Variants in BCL2L14 observed in about 807,000 individuals in gnomAD.
The protein encoded by BCL2L14 is BCL2 like 14.
BCL2L14 carries 27 observed loss-of-function variants against 35.3 expected under a neutral mutation model. That is an observed-to-expected ratio of 0.76 (90% confidence interval 0.56 to 1.05). BCL2L14 has a LOEUF of 1.05. BCL2L14 is among the 50% of genes least tolerant of loss of function. The pLI, the probability that BCL2L14 is intolerant of heterozygous loss-of-function variation, is 0.00. For synonymous variants in BCL2L14, 139 were observed against 145.9 expected, an observed-to-expected ratio of 0.95 and a Z score of 0.34; for missense variants, 377 against 382.6, an observed-to-expected ratio of 0.99 and a Z score of 0.12.
intron 2 of BCL2L14, among the ~76,000 whole-genome samples, chr12:12,058,710 A>T (rs368170613): frequency 6.6e-6 from 1 of 151,760 alleles, no homozygotes; most frequent in Non-Finnish European, 1.5e-5. Context: ...GCCCGCCTGC[A>T]CCCAGGTGAA....
At chr12:12,075,264 A>G (rs1948754609) in intron 1 of BCL2L14, among the ~76,000 whole-genome samples, 1 of 152,064 alleles carries the variant, frequency 6.6e-6, no homozygotes. Context: ...CTGGAATTAC[A>G]GGCACCTGCC....
At chr12:12,059,080 G>A (rs1050717403) in intron 2 of BCL2L14, among the ~76,000 whole-genome samples, 10 of 152,178 alleles carry the variant, frequency 6.6e-5, no homozygotes, top group African/African-American at 1.4e-4. Flanking sequence ...CGTTTTATCC[G>A]TAGACCCAAA....
chr12:12,089,376 A>T (rs1022435481), intron 3 of BCL2L14, among the ~76,000 whole-genome samples: 1 of 148,786 alleles, frequency 6.7e-6, no homozygotes, highest in African/African-American at 2.5e-5. Context: ...TCTCAATAAA[A>T]AAAAAAAAAA....
At position 12,065,568 on chromosome 12, in the gene BCL2L14, A is replaced by C. The variant is rs543133605; in HGVS notation, c.-271-12138A>C. On this transcript the variant is annotated intron_variant, in intron 2 of 3. Transcript: ENST00000461264. ...AAAAAAAAGAAGAAGAAGTGACAAG[A>C]CAAAGGGAAAGAGCTTTAGGCTTCT... is the stretch of plus-strand genomic sequence containing the variant. Among the ~76,000 whole-genome samples the C allele has an allele frequency of 2.0e-5, 3 of 151,422 alleles. No homozygotes were observed. The South Asian group carries it at 6.3e-4, about 32-fold the overall frequency.
Position 12,079,368 on chromosome 12 carries a change from C to A in BCL2L14, c.63C>A (p.Thr21=). Residue 21 remains threonine (T), a synonymous_variant, in exon 2 of 6, where the codon ACC becomes ACA. Coordinates refer to ENST00000308721, the MANE Select transcript of BCL2L14 (RefSeq NM_138723.2). ...EIPLDDDDLN[T]IEFKILAYYT... ...CCCTAGATGATGATGACCTAAACAC[C>A]ATAGAATTCAAAATCCTCGCCTACT... The A allele has an allele frequency of 6.2e-7, 1 of 1,614,164 alleles. No homozygotes were observed. Among genetic ancestry groups the A allele is most frequent in the Non-Finnish European group, 8.5e-7 (1 of 1,180,018 alleles).
At chr12:12,070,274 G>C (rs768654166), upstream of BCL2L14, among the ~76,000 whole-genome samples, 1 of 152,174 alleles carries the variant, frequency 6.6e-6, no homozygotes, top group Non-Finnish European at 1.5e-5. Flanking sequence ...GAAAGAGCAC[G>C]ATTTGGATCT....
chr12:12,059,470 C>A (rs1445491462), intron 2 of BCL2L14, among the ~76,000 whole-genome samples: 2 of 152,022 alleles, frequency 1.3e-5, no homozygotes, highest in South Asian at 4.2e-4. Context: ...TATTTCTGCA[C>A]CCCAACCTCA....
At chr12:12,056,823 C>T (rs527796713) in intron 2 of BCL2L14, among the ~76,000 whole-genome samples, 2 of 151,426 alleles carry the variant, frequency 1.3e-5, no homozygotes, top group East Asian at 1.9e-4. Context: ...ACGACAAGAG[C>T]GAAACTCCAT....
intron 1 of BCL2L14, among the ~76,000 whole-genome samples, chr12:12,073,609 C>T (rs1948716250): frequency 6.6e-6 from 1 of 152,100 alleles, no homozygotes; most frequent in Admixed American, 6.5e-5. Flanking sequence ...CGCGCACACA[C>T]ACACACAATT....
chr12:12,085,814 C>T (rs960090095), intron 2 of BCL2L14, among the ~76,000 whole-genome samples: 1 of 152,100 alleles, frequency 6.6e-6, no homozygotes, highest in African/African-American at 2.4e-5. Context: ...CTCCCAGGCC[C>T]CCTACTTGCC....
rs186486996 is a variant in BCL2L14 at position 12,065,299 on chromosome 12, G to C, written c.-271-12407G>C. Reference sequence around the variant, plus strand: ...GCATATAATCTCAGCACTTTGGGAGGCCGAGGCAGGCGGATCACTTGAAGT... The same window carrying C: ...GCATATAATCTCAGCACTTTGGGAGCCCGAGGCAGGCGGATCACTTGAAGT... On this transcript the variant is annotated intron_variant, in intron 2 of 3. Coordinates refer to the BCL2L14 transcript ENST00000461264. Among the ~76,000 whole-genome samples, 1,356 of 152,224 alleles carry C rather than the reference G, an allele frequency of 8.9e-3. 20 individuals carry two copies. The highest frequency in any genetic ancestry group is 0.01 in the Middle Eastern group (3 of 294).
intron 2 of BCL2L14, among the ~76,000 whole-genome samples, chr12:12,054,306 C>T (rs1948399163): frequency 6.6e-6 from 1 of 152,078 alleles, no homozygotes; most frequent in South Asian, 2.1e-4. Flanking sequence ...AGTTCGAGAC[C>T]AGCCAGGCCA....
At chr12:12,068,040 C>T, upstream of BCL2L14, 2 of 393,606 alleles carry the variant, frequency 5.1e-6, no homozygotes, top group Non-Finnish European at 9.0e-6. Context: ...CCCTGCCAGG[C>T]TCAAGCAATC....
exon 1 of BCL2L14, chr12:12,049,945 A>G (rs1948322565): frequency 6.6e-6 from 1 of 152,150 alleles, no homozygotes; most frequent in African/African-American, 2.4e-5. Context: ...CGTTATTGTA[A>G]GGGGGAAATG....
chr12:12,078,989 C>A (rs12823335), intron 1 of BCL2L14, among the ~76,000 whole-genome samples: 3 of 151,950 alleles, frequency 2.0e-5, no homozygotes, highest in Non-Finnish European at 4.4e-5. Context: ...TAGAGACGGG[C>A]TTTCACTGTA....
chr12:12,079,691 A>G lies in BCL2L14; in HGVS notation c.386A>G (p.Gln129Arg), dbSNP rs774039499. Residue 129 changes from glutamine (Q) to arginine (R), a missense_variant, in exon 2 of 6, where the codon CAG (glutamine) becomes CGG (arginine). Coordinates refer to ENST00000308721, the MANE Select transcript of BCL2L14 (RefSeq NM_138723.2). ...TLEYQDSHSQQWSRCLSNVEQ... is the reference protein window; with the variant it reads ...TLEYQDSHSQRWSRCLSNVEQ... The stretch of plus-strand genomic sequence containing the variant: ...GAATACCAAGATTCGCACAGCCAGC[A>G]GTGGTCCAGGTGTCTTTCTAACGTG... The G allele has an allele frequency of 5.6e-6, 9 of 1,614,226 alleles. No homozygotes were observed. The highest frequency in any genetic ancestry group is 6.8e-6 in the Non-Finnish European group (8 of 1,180,046).
chr12:12,053,070 G>A (rs1948380664), intron 2 of BCL2L14, among the ~76,000 whole-genome samples: 1 of 152,066 alleles, frequency 6.6e-6, no homozygotes, highest in South Asian at 2.1e-4. Flanking sequence ...CAATGATGAT[G>A]GTACCACCAG....
chr12:12,089,161 G>A (rs887041443), intron 3 of BCL2L14, among the ~76,000 whole-genome samples: 12 of 152,176 alleles, frequency 7.9e-5, no homozygotes, highest in Non-Finnish European at 1.3e-4. Flanking sequence ...GAGGTCAGGC[G>A]TTCAAGACCA....
chr12:12,087,246 G>A lies in BCL2L14; in HGVS notation c.467G>A (p.Arg156Gln), dbSNP rs746443062. The change falls in exon 3 of 6, where the codon CGA becomes CAA. Residue 156 changes from arginine to glutamine, a missense_variant. Arg to Gln is a conservative substitution (Grantham distance 43, BLOSUM62 1). Coordinates refer to ENST00000308721, the MANE Select transcript of BCL2L14 (RefSeq NM_138723.2). ...CCCAAAGTCATTTCCATTGCCAACC[G>A]AGTAGCTGAAATTGTTTACTCCTGG... Reference protein sequence around the residue: ...VDPKVISIANRVAEIVYSWPP... With the variant: ...VDPKVISIANQVAEIVYSWPP... The A allele has an allele frequency of 1.2e-5, 19 of 1,614,022 alleles. No individual in the cohort carries two copies. Among genetic ancestry groups the A allele is most frequent in the Admixed American group, 6.7e-5 (4 of 60,000 alleles).
Sources: gnomAD v4.1 joint callset for allele counts (sites outside exome capture counted in the v4.1 genomes callset) on GRCh38, gnomAD v4.1.1 for gene constraint, MANE v1.5 for transcripts, NCBI Gene and HGNC (gene_info 2026-07-23, HGNC 2026-07-21) for gene names.